The following PCDH18 variants were observed in gnomAD, a reference collection of about 807,000 sequenced individuals.
PCDH18 encodes the protein protocadherin-18.
Under a neutral mutation model 71.5 loss-of-function variants are expected in PCDH18, and 38 were observed. The ratio of observed to expected loss-of-function variants is 0.53; its 90% CI spans 0.41 to 0.70. PCDH18 has a LOEUF of 0.70. PCDH18 is among the 30% of genes least tolerant of loss of function. PCDH18 has a pLI of 0.00. For missense variants in PCDH18, 1,334 were observed against 1,384.6 expected (o/e 0.96, Z 0.58); for synonymous variants, 565 against 505.4 (o/e 1.12, Z -1.58).
rs1266246962 is a variant in PCDH18, at chr4:137,521,085, C to A, written c.3352G>T (p.Ala1118Ser). 6.2e-7 allele frequency: 1 copy of A among 1,613,344 alleles called. No individual in the cohort carries two copies. The highest frequency in any genetic ancestry group is 2.2e-5 in the East Asian group (1 of 44,866). The change falls in exon 4 of 4, where the codon GCC (alanine) becomes TCC (serine). Residue 1118 changes from alanine (A) to serine (S), a missense_variant. This residue lies in a region of PCDH18 where 319 missense variants were observed against 316.3 expected (regional missense o/e 1.01). Coordinates refer to ENST00000344876, the MANE Select transcript of PCDH18 (RefSeq NM_019035.5). Reference sequence around the variant, plus strand: ...TTAATCTCTGCCACCAGTTCACTGGCATCCATGAGTTCGTGTTTCCCATCA... The same window carrying A: ...TTAATCTCTGCCACCAGTTCACTGGAATCCATGAGTTCGTGTTTCCCATCA... ...LNDGKHELMD[A>S]SELVAEINKL...
chr4:137,520,887 C>T lies in PCDH18; in HGVS notation c.*142G>A. The T allele has an allele frequency of 1.7e-6, 1 of 575,590 alleles. No homozygotes were observed. Among genetic ancestry groups the T allele is most frequent in the Non-Finnish European group, 3.1e-6 (1 of 325,296 alleles). The allele number at this position is 575,590 out of a possible 1,614,324, so 35.7% of individuals were successfully genotyped here. ...CTTGCATTGTGTACATACGAAAATA[C>T]AGTATTTAATATTCAATATACACAG... On this transcript the variant is annotated 3_prime_UTR_variant, in exon 4 of 4. Coordinates refer to ENST00000344876, the MANE Select transcript of PCDH18 (RefSeq NM_019035.5).
Position 137,529,903 on chromosome 4 carries a change from T to G in PCDH18, c.2186A>C (p.Lys729Thr). 1.9e-6 allele frequency: 3 copies of G among 1,613,970 alleles called. No individual in the cohort carries two copies. The highest frequency in any genetic ancestry group is 3.3e-5 in the Admixed American group (2 of 59,988). ...CCTGCAGTTATAGGATCTAGTGTCT[T>G]TCTTCTCGCGGTTACACCTAGTTGC... ...LFATRCNREK[K>T]DTRSYNCRVA... Residue 729 changes from lysine to threonine, a missense_variant, in exon 1 of 4, where the codon AAA becomes ACA. Physicochemically the swap from Lys to Thr is moderately conservative, Grantham distance 78. This residue lies in a region of PCDH18 where 1,011 missense variants were observed against 1,048.0 expected (regional missense o/e 0.96). Coordinates refer to ENST00000344876, the MANE Select transcript of PCDH18 (RefSeq NM_019035.5).
chr4:137,531,913 G>A lies in PCDH18; in HGVS notation c.176C>T (p.Pro59Leu). The part of the protein sequence containing the change: ...EDVADVLLKL[P>L]NPSTVRFRAM... ...TCGAAATCGAACAGTAGAAGGATTA[G>A]GAAGCTTCAATAAAACATCAGCCAC... The change falls in exon 1 of 4, where the codon CCT (proline) becomes CTT (leucine). Residue 59 changes from proline (P) to leucine (L), a missense_variant. By Grantham distance (98) the Pro-to-Leu change is moderately conservative. Coordinates refer to ENST00000344876, the MANE Select transcript of PCDH18 (RefSeq NM_019035.5). 4 of 1,614,058 alleles carry A rather than the reference G, an allele frequency of 2.5e-6. No homozygotes were observed. Among genetic ancestry groups the A allele is most frequent in the East Asian group, 2.2e-5 (1 of 44,870 alleles).
In PCDH18 at chr4:137,520,959, G is replaced by C; in HGVS notation, c.*70C>G. 2 of 1,125,872 alleles carry C rather than the reference G, an allele frequency of 1.8e-6. No homozygotes were observed. The highest frequency in any genetic ancestry group is 2.4e-5 in the East Asian group (1 of 41,966). The allele number at this position is 1,125,872 out of a possible 1,614,324, so 69.7% of individuals were successfully genotyped here. A position where few individuals can be genotyped will look rare whatever the true frequency, so the allele number is the denominator to read the frequency against. On this transcript the variant is annotated 3_prime_UTR_variant, in exon 4 of 4. Coordinates refer to ENST00000344876, the MANE Select transcript of PCDH18 (RefSeq NM_019035.5). ...CTATTTGGCAATGCCAGTTCTTTCAGGGTTTTTTGTTGTTGTTGTTGTTCC... is the reference window on the plus strand; with the variant it reads ...CTATTTGGCAATGCCAGTTCTTTCACGGTTTTTTGTTGTTGTTGTTGTTCC...
At chr4:137,524,951 G>C (rs757539340) in intron 3 of PCDH18, among the ~76,000 whole-genome samples, 1 of 152,064 alleles carries the variant, frequency 6.6e-6, no homozygotes, top group African/African-American at 2.4e-5. Context: ...ATGGGCTTTC[G>C]TGGATACCTG....
At chr4:137,526,493 A>G (rs1731464154) in intron 3 of PCDH18, among the ~76,000 whole-genome samples, 1 of 152,124 alleles carries the variant, frequency 6.6e-6, no homozygotes, top group Non-Finnish European at 1.5e-5. Context: ...AAGAAAACTG[A>G]TTCTCTTTGA....
rs1213251428 is a variant in PCDH18, at chr4:137,532,286, G to A, written c.-198C>T. 1 of 703,802 alleles carries A rather than the reference G, an allele frequency of 1.4e-6. No homozygotes were observed. The highest frequency in any genetic ancestry group is 1.7e-5 in the African/African-American group (1 of 57,250). 43.6% of individuals were successfully genotyped at this position (703,802 alleles called of 1,614,324 possible). A position where few individuals can be genotyped will look rare whatever the true frequency, so the allele number is the denominator to read the frequency against. ...ACGACTTCCAGATACCTTCGGCATG[G>A]AGTCCAGTCCTTGCGTTTGTTTGGT... On this transcript the variant is annotated 5_prime_UTR_variant, in exon 1 of 4. Transcript: ENST00000344876.
chr4:137,521,161 G>T lies in PCDH18; in HGVS notation c.3276C>A (p.Ile1092=). The T allele has an allele frequency of 6.2e-7, 1 of 1,614,098 alleles. No homozygotes were observed. Among genetic ancestry groups the T allele is most frequent in the South Asian group, 1.1e-5 (1 of 91,088 alleles). ...AATCATCTTCCTCATAATTTTCAGGGATCTCCTCCATGGCTGGCAGCCATT... is the reference window on the plus strand; with the variant it reads ...AATCATCTTCCTCATAATTTTCAGGTATCTCCTCCATGGCTGGCAGCCATT... ...SSKWLPAMEE[I]PENYEEDDFD... The change falls in exon 4 of 4, where the codon ATC becomes ATA. Residue 1092 remains isoleucine, a synonymous_variant. Coordinates refer to ENST00000344876, the MANE Select transcript of PCDH18 (RefSeq NM_019035.5).
At chr4:137,526,028 A>T (rs1731444457) in intron 3 of PCDH18, among the ~76,000 whole-genome samples, 1 of 151,750 alleles carries the variant, frequency 6.6e-6, no homozygotes, top group South Asian at 2.1e-4. Context: ...ATTCCTTAAC[A>T]TCTATTATTA....
rs111758613 is a variant in PCDH18, at chr4:137,528,850, C to T, written c.2488-30G>A. 350 of 1,458,390 alleles carry T rather than the reference C, an allele frequency of 2.4e-4. 4 individuals are homozygous for T. In the South Asian group the frequency reaches 3.7e-3, roughly 15 times the overall value. 90.3% of individuals were successfully genotyped at this position (1,458,390 alleles called of 1,614,324 possible). On this transcript the variant is annotated intron_variant, in intron 1 of 3. Coordinates refer to ENST00000344876, the MANE Select transcript of PCDH18 (RefSeq NM_019035.5). ...AAACCAAATAGACAGAACTGATTCC[C>T]GGAAACAAGCCTCCAAACACTCACA...
Position 137,520,651 on chromosome 4 carries a change from A to G in PCDH18, c.*378T>C, listed in dbSNP as rs1731261755. The G allele has an allele frequency of 6.1e-6, 1 of 164,428 alleles. No individual in the cohort carries two copies. Among genetic ancestry groups the G allele is most frequent in the Non-Finnish European group, 1.3e-5 (1 of 76,154 alleles). The allele number at this position is 164,428 out of a possible 1,614,324, so 10.2% of individuals were successfully genotyped here. A position where few individuals can be genotyped will look rare whatever the true frequency, so the allele number is the denominator to read the frequency against. On this transcript the variant is annotated 3_prime_UTR_variant, in exon 4 of 4. Coordinates refer to ENST00000344876, the MANE Select transcript of PCDH18 (RefSeq NM_019035.5). Reference sequence around the variant, plus strand: ...AATGCTTCAGTGGGGTTGTTCATACAACATAATAATTCTTCCCCAACAAAA... The same window carrying G: ...AATGCTTCAGTGGGGTTGTTCATACGACATAATAATTCTTCCCCAACAAAA...
At position 137,530,163 on chromosome 4, in the gene PCDH18, A is replaced by G. The variant is rs770068140; in HGVS notation, c.1926T>C (p.Val642=). Residue 642 remains valine (V), a synonymous_variant, in exon 1 of 4, where the codon GTT becomes GTC. Transcript: ENST00000344876. ...CTGTGTAGGGAACAGAATCCATGCTAACGTTGGTATGGATGTCACATGATC... is the reference window on the plus strand; with the variant it reads ...CTGTGTAGGGAACAGAATCCATGCTGACGTTGGTATGGATGTCACATGATC... ...DPRSCDIHTN[V]SMDSVPYTEW... 6.8e-6 allele frequency: 11 copies of G among 1,613,438 alleles called. No homozygotes were observed. The highest frequency in any genetic ancestry group is 9.3e-6 in the Non-Finnish European group (11 of 1,179,602).
rs1210760762 is a variant in PCDH18 at position 137,530,346 on chromosome 4, C to T, written c.1743G>A (p.Leu581=). The change falls in exon 1 of 4, where the codon TTG becomes TTA. Residue 581 remains leucine, a synonymous_variant. Coordinates refer to ENST00000344876, the MANE Select transcript of PCDH18 (RefSeq NM_019035.5). The part of the protein sequence containing the change: ...DNVPVVIGPA[L]RNNTAEITIP... ...TGGTGATTTCTGCCGTATTATTACG[C>T]AATGCAGGCCCTATAACCACAGGAA... is the stretch of plus-strand genomic sequence containing the variant. 1 of 1,613,398 alleles carries T rather than the reference C, an allele frequency of 6.2e-7. No homozygotes were observed. Among genetic ancestry groups the T allele is most frequent in the African/African-American group, 1.3e-5 (1 of 74,920 alleles).
At chr4:137,529,137 A>T in intron 1 of PCDH18, 1 of 362,428 alleles carries the variant, frequency 2.8e-6, no homozygotes. Flanking sequence ...CATGGAAAAT[A>T]CTGTAAAATA....
At position 137,531,225 on chromosome 4, in the gene PCDH18, A is replaced by G; in HGVS notation, c.864T>C (p.His288=). 1 of 1,612,916 alleles carries G rather than the reference A, an allele frequency of 6.2e-7. No individual in the cohort carries two copies. The highest frequency in any genetic ancestry group is 8.5e-7 in the Non-Finnish European group (1 of 1,179,294). Residue 288 remains histidine, a synonymous_variant, in exon 1 of 4, where the codon CAT becomes CAC. Transcript: ENST00000344876. ...NGKIVYSFSS[H]VSPKIMETFK... ...AAGTCTCCATAATTTTGGGAGACAC[A>G]TGACTGCTGAAGGAATATACAATTT...
intron 3 of PCDH18, among the ~76,000 whole-genome samples, chr4:137,525,802 T>C (rs114568870): frequency 0.023 from 3,452 of 152,160 alleles, 58 homozygotes; most frequent in Middle Eastern, 0.058. Context: ...GCAAAATAAC[T>C]CTCCAGCCAC....
intron 3 of PCDH18, among the ~76,000 whole-genome samples, chr4:137,523,739 A>G (rs1430347354): frequency 5.3e-5 from 8 of 152,216 alleles, no homozygotes; most frequent in Non-Finnish European, 1.2e-4. Context: ...AATACAATGC[A>G]AAAATACAAT....
chr4:137,527,907 A>G (rs991099170), intron 3 of PCDH18, among the ~76,000 whole-genome samples: 9 of 152,168 alleles, frequency 5.9e-5, no homozygotes, highest in African/African-American at 2.2e-4. Flanking sequence ...TGCCTCTTCT[A>G]CTATAGCAAA....
chr4:137,531,205 T>C lies in PCDH18; in HGVS notation c.884A>G (p.Glu295Gly). The C allele has an allele frequency of 6.2e-7, 1 of 1,611,972 alleles. No homozygotes were observed. Among genetic ancestry groups the C allele is most frequent in the Non-Finnish European group, 8.5e-7 (1 of 1,178,914 alleles). ...TCTTTCAGAATCAATTTTAAAAGTC[T>C]CCATAATTTTGGGAGACACATGACT... The part of the protein sequence containing the change: ...FSSHVSPKIM[E>G]TFKIDSERGH... The change falls in exon 1 of 4, where the codon GAG becomes GGG. Residue 295 changes from glutamate (E) to glycine (G), a missense_variant. By Grantham distance (98) the Glu-to-Gly change is moderately conservative. Coordinates refer to ENST00000344876, the MANE Select transcript of PCDH18 (RefSeq NM_019035.5).
Sources: allele counts gnomAD v4.1 joint callset (sites outside exome capture counted in the v4.1 genomes callset), GRCh38; gene constraint gnomAD v4.1.1; regional missense constraint gnomAD v4.1.1; transcripts MANE v1.5; gene names NCBI Gene and HGNC (gene_info 2026-07-23, HGNC 2026-07-21).